The following ERC1 variants were observed in gnomAD, a reference collection of about 807,000 sequenced individuals.
The protein encoded by ERC1 is ELKS/RAB6-interacting/CAST family member 1.
Under a neutral mutation model 132.0 loss-of-function variants are expected in ERC1, and 56 were observed. The ratio of observed to expected loss-of-function variants is 0.42; its 90% CI spans 0.34 to 0.53. ERC1 has a LOEUF of 0.53. Ranked by LOEUF, ERC1 falls within the 20% of genes least tolerant of loss-of-function variation. The pLI is 0.03. For synonymous variants in ERC1, 478 were observed against 476.1 expected, an observed-to-expected ratio of 1.00 and a Z score of -0.05; for missense variants, 1,202 against 1,349.9, an observed-to-expected ratio of 0.89 and a Z score of 1.72.
chr12:1,013,283 A>G (rs542452065), intron 1 of ERC1, among the ~76,000 whole-genome samples: 3 of 152,276 alleles, frequency 2.0e-5, no homozygotes, highest in South Asian at 4.1e-4. Flanking sequence ...GAGAACAACT[A>G]TGATTAACAA....
In ERC1 at chr12:1,408,588, T is replaced by C. The variant is rs566501972; in HGVS notation, c.3024+341T>C. On this transcript the variant is annotated intron_variant, in intron 17 of 18. Transcript: ENST00000360905. ...TGTCTTGGTTTTCTTTTTAAAGAAA[T>C]AGTGCCTTATTAGAAAAACAAGACT... Among the ~76,000 whole-genome samples, 6 of 152,362 alleles carry C rather than the reference T, an allele frequency of 3.9e-5. No homozygotes were observed. The East Asian group carries it at 1.2e-3, about 29-fold the overall frequency.
At chr12:1,376,396 T>G (rs1428437361) in intron 16 of ERC1, among the ~76,000 whole-genome samples, 1 of 123,662 alleles carries the variant, frequency 8.1e-6, no homozygotes, top group Admixed American at 7.5e-5. Flanking sequence ...TCGAGTTCTG[T>G]GATTTTCCAC....
At chr12:1,070,718 C>T (rs1287888410) in intron 2 of ERC1, among the ~76,000 whole-genome samples, 3 of 152,092 alleles carry the variant, frequency 2.0e-5, no homozygotes, top group African/African-American at 7.2e-5. Flanking sequence ...ATATAGTTTC[C>T]ATACAGTGAA....
chr12:1,337,472 G>A (rs553784264), intron 15 of ERC1, among the ~76,000 whole-genome samples: 19 of 152,188 alleles, frequency 1.2e-4, no homozygotes, highest in African/African-American at 4.1e-4. Context: ...TAGCACACTG[G>A]TGGGTCTTGG....
chr12:1,024,427 C>A lies in ERC1; in HGVS notation c.-156-3321C>A, dbSNP rs1025034101. ...CTCCCGCCTCTCCACCCCGCTCCCC[C>A]CACAGGTTTGAAACCACCTGCCTGT... is the stretch of plus-strand genomic sequence containing the variant. On this transcript the variant is annotated intron_variant, in intron 1 of 18. Transcript: ENST00000360905. 4.6e-5 allele frequency among the ~76,000 whole-genome samples: 7 copies of A among 152,098 alleles called. No individual in the cohort carries two copies. The East Asian group carries it at 7.7e-4, about 17-fold the overall frequency.
intron 13 of ERC1, among the ~76,000 whole-genome samples, chr12:1,238,961 A>G (rs1378555984): frequency 1.3e-5 from 2 of 152,230 alleles, no homozygotes; most frequent in Non-Finnish European, 2.9e-5. Flanking sequence ...TATGAAAAAG[A>G]TAGCTGATGG....
intron 12 of ERC1, among the ~76,000 whole-genome samples, chr12:1,230,667 A>G (rs2074959798): frequency 1.3e-5 from 2 of 152,174 alleles, no homozygotes; most frequent in Admixed American, 1.3e-4. Context: ...GTGGGGTAGT[A>G]AAGTCCTCTC....
At chr12:1,155,314 CAAAAAAAAAAAA>C (rs151006544) in intron 8 of ERC1, among the ~76,000 whole-genome samples, 1 of 55,094 alleles carries the variant, frequency 1.8e-5, no homozygotes, top group African/African-American at 6.6e-5. Context: ...GACTTCATCT[CAAAAAAAAAAAA>C]AAAAAAAAAA....
intron 17 of ERC1, chr12:1,410,452 C>T (rs770315808): frequency 1.2e-5 from 16 of 1,297,466 alleles, no homozygotes; most frequent in East Asian, 4.3e-5. Context: ...TTGTTCAGAA[C>T]GGTGAGAAAC....
rs141998053 is a variant in ERC1, at chr12:1,273,186, A to G, written c.2619+10021A>G. ...AGAAGCAGGAAGATACGGAAATTTT[A>G]AAACCGTAAAAATATTTTAAGGGTT... On this transcript the variant is annotated intron_variant, in intron 14 of 18. Coordinates refer to ENST00000360905, the MANE Select transcript of ERC1 (RefSeq NM_178040.4). 4.4e-3 allele frequency among the ~76,000 whole-genome samples: 670 copies of G among 152,304 alleles called. 10 individuals carry two copies. Among genetic ancestry groups the G allele is most frequent in the African/African-American group, 0.015 (639 of 41,572 alleles).
intron 2 of ERC1, among the ~76,000 whole-genome samples, chr12:1,051,410 C>T (rs1296480298): frequency 2.0e-5 from 3 of 151,912 alleles, no homozygotes; most frequent in Non-Finnish European, 2.9e-5. Context: ...AGAAGACTGG[C>T]TGGGCATGGT....
chr12:1,022,950 C>G (rs559028990), intron 1 of ERC1, among the ~76,000 whole-genome samples: 3 of 152,210 alleles, frequency 2.0e-5, no homozygotes, highest in South Asian at 2.1e-4. Context: ...GGCTCTTCCC[C>G]CTTTGCTTGG....
intron 15 of ERC1, among the ~76,000 whole-genome samples, chr12:1,352,891 CTTTAAG>C (rs901869975): frequency 1.3e-5 from 2 of 152,094 alleles, no homozygotes; most frequent in Non-Finnish European, 1.5e-5. Flanking sequence ...AATAGGACTA[CTTTAAG>C]TTTGAGATGG....
chr12:1,484,066 G>GGGTCCAA (rs1397459773), intron 18 of ERC1, among the ~76,000 whole-genome samples: 1 of 99,412 alleles, frequency 1.0e-5, no homozygotes, highest in Non-Finnish European at 2.1e-5. Context: ...AGCACTTTGG[G>GGGTCCAA]AGGCTGAGGC....
chr12:1,199,180 A>C (rs113648450), intron 12 of ERC1, among the ~76,000 whole-genome samples: 1,059 of 107,016 alleles, frequency 9.9e-3, no homozygotes, highest in African/African-American at 0.014. Context: ...ACCAGGCCCC[A>C]CCTCCAACAC....
intron 2 of ERC1, among the ~76,000 whole-genome samples, chr12:1,049,000 A>T (rs1255396868): frequency 6.6e-6 from 1 of 152,226 alleles, no homozygotes; most frequent in Non-Finnish European, 1.5e-5. Flanking sequence ...TATAAATTTC[A>T]CCATCTTAGG....
intron 13 of ERC1, among the ~76,000 whole-genome samples, chr12:1,259,962 T>C (rs1333929607): frequency 6.6e-6 from 1 of 152,206 alleles, no homozygotes; most frequent in Non-Finnish European, 1.5e-5. Flanking sequence ...GAAACATTCA[T>C]TTCCTTTCTC....
chr12:1,368,636 C>T (rs2086885694), intron 15 of ERC1, among the ~76,000 whole-genome samples: 2 of 152,172 alleles, frequency 1.3e-5, no homozygotes, highest in Non-Finnish European at 2.9e-5. Context: ...AAAGTCTTTG[C>T]TGTTACTGTC....
At chr12:1,405,202 TG>T (rs1037422508) in intron 16 of ERC1, among the ~76,000 whole-genome samples, 2 of 147,912 alleles carry the variant, frequency 1.4e-5, no homozygotes, top group Non-Finnish European at 3.0e-5. Context: ...AATATAAAAT[TG>T]GGGGGAACAC....
Sources: gnomAD v4.1 joint callset for allele counts (sites outside exome capture counted in the v4.1 genomes callset) on GRCh38, gnomAD v4.1.1 for gene constraint, MANE v1.5 for transcripts, NCBI Gene and HGNC (gene_info 2026-07-23, HGNC 2026-07-21) for gene names.